Variants in PTPRG observed in about 807,000 individuals in gnomAD.
The protein encoded by PTPRG is protein tyrosine phosphatase receptor type G.
PTPRG carries 102 observed loss-of-function variants against 165.3 expected under a neutral mutation model. The observed-to-expected ratio is 0.62, with a 90% CI of 0.53 to 0.73. PTPRG has a LOEUF of 0.73. Among genes scored for constraint, PTPRG ranks in the 30% least tolerant of loss-of-function variants. The probability of loss-of-function intolerance (pLI) is 0.00; values close to 1 mark genes in which losing one functional copy is unlikely to be tolerated. For missense variants in PTPRG, 1,866 were observed against 1,861.4 expected (o/e 1.00, Z -0.05); for synonymous variants, 675 against 669.5 (o/e 1.01, Z -0.13).
At chr3:62,272,827 A>G in intron 21 of PTPRG, 119 bp from the exon 22 acceptor site, 6 of 1,145,204 alleles carry the variant, frequency 5.2e-6, no homozygotes, top group Non-Finnish European at 7.1e-6. Context: ...ACAGAGTGAA[A>G]CTCCATCTCA....
At chr3:61,897,449 C>T (rs1043847186) in intron 2 of PTPRG, among the ~76,000 whole-genome samples, 2 of 152,116 alleles carry the variant, frequency 1.3e-5, no homozygotes, top group African/African-American at 4.8e-5. Context: ...TGATTGATGT[C>T]CCTATCTCTC....
intron 2 of PTPRG, among the ~76,000 whole-genome samples, chr3:61,974,683 C>A (rs2040462817): frequency 6.6e-6 from 1 of 152,098 alleles, no homozygotes; most frequent in African/African-American, 2.4e-5. Flanking sequence ...AGCTTTGTGC[C>A]CCACCTAAAA....
chr3:62,281,122 T>C (rs1441032603), intron 26 of PTPRG, among the ~76,000 whole-genome samples: 1 of 152,082 alleles, frequency 6.6e-6, no homozygotes, highest in Admixed American at 6.6e-5. Context: ...CAAGAAAACT[T>C]ACAGTGTTTA....
At chr3:61,711,833 AG>A (rs2031570538) in intron 1 of PTPRG, among the ~76,000 whole-genome samples, 1 of 151,840 alleles carries the variant, frequency 6.6e-6, no homozygotes, top group Admixed American at 6.6e-5. Flanking sequence ...ACATTAGAAA[AG>A]TTTTACTCTG....
intron 2 of PTPRG, among the ~76,000 whole-genome samples, chr3:61,853,677 G>T (rs1363723185): frequency 1.3e-5 from 2 of 152,202 alleles, no homozygotes; most frequent in Non-Finnish European, 2.9e-5. Flanking sequence ...GTTTATTGAT[G>T]TTCTAACTTA....
chr3:61,589,555 G>T (rs1700516249), intron 1 of PTPRG, among the ~76,000 whole-genome samples: 2 of 152,168 alleles, frequency 1.3e-5, no homozygotes, highest in African/African-American at 4.8e-5. Context: ...TTTGAAAGCA[G>T]TTCTTTTCCA....
At position 61,635,335 on chromosome 3, in the gene PTPRG, TTA is replaced by T. The variant is rs563193679; in HGVS notation, c.85+72973_85+72974del. 6.4e-3 allele frequency among the ~76,000 whole-genome samples: 949 copies of T among 148,366 alleles called. 12 individuals are homozygous for T. The highest frequency in any genetic ancestry group is 0.022 in the African/African-American group (902 of 40,852). ...ACCAATTACCCTATAAAGTATTAAT[TTA>T]TATATATATTATATATATAAATAAT... On this transcript the variant is annotated intron_variant, in intron 1 of 29. Coordinates refer to ENST00000474889, the MANE Select transcript of PTPRG (RefSeq NM_002841.4).
At chr3:62,280,510 A>C (rs1702393928) in intron 26 of PTPRG, among the ~76,000 whole-genome samples, 1 of 152,092 alleles carries the variant, frequency 6.6e-6, no homozygotes, top group Non-Finnish European at 1.5e-5. Context: ...GGGAAATGTA[A>C]GTCAAGATAC....
intron 8 of PTPRG, among the ~76,000 whole-genome samples, chr3:62,180,904 G>C (rs1422142757): frequency 6.6e-6 from 1 of 152,206 alleles, no homozygotes; most frequent in Non-Finnish European, 1.5e-5. Flanking sequence ...TGCTTTCCCA[G>C]ATACTGCCTA....
intron 2 of PTPRG, among the ~76,000 whole-genome samples, chr3:61,788,189 A>G (rs1575663975): frequency 6.6e-6 from 1 of 152,164 alleles, no homozygotes; most frequent in East Asian, 1.9e-4. Flanking sequence ...GGCGTCTTCT[A>G]AGTATCAAAG....
At chr3:61,632,336 C>A (rs577670787) in intron 1 of PTPRG, among the ~76,000 whole-genome samples, 4 of 140,688 alleles carry the variant, frequency 2.8e-5, no homozygotes, top group Non-Finnish European at 6.2e-5. Context: ...CACACACACA[C>A]AAATCTATAG....
At chr3:62,074,352 C>CTTTCTTTCTTTTTTTTTTTTTTT (rs1701310935) in intron 4 of PTPRG, among the ~76,000 whole-genome samples, 1 of 109,114 alleles carries the variant, frequency 9.2e-6, no homozygotes, top group African/African-American at 3.8e-5. Context: ...TCTTTTCTTT[C>CTTTCTTTCTTTTTTTTTTTTTTT]TTTTTTTTTT....
At chr3:61,901,925 T>C (rs763449908) in intron 2 of PTPRG, among the ~76,000 whole-genome samples, 23 of 152,266 alleles carry the variant, frequency 1.5e-4, no homozygotes, top group Non-Finnish European at 2.9e-4. Flanking sequence ...TATTACCTGA[T>C]AATTATGCTT....
intron 2 of PTPRG, among the ~76,000 whole-genome samples, chr3:61,913,268 G>A (rs1295040534): frequency 2.0e-5 from 3 of 152,130 alleles, no homozygotes; most frequent in African/African-American, 7.2e-5. Flanking sequence ...CACCCAGGCT[G>A]GAGTGCAGTG....
rs1212974314 is a variant in PTPRG at position 62,245,954 on chromosome 3, A to G, written c.2467+2056A>G. ...TGCCTTGCAACACCTTTGAGTAGGT[A>G]TATTAGACCAGAAATTGCTTTTGAA... On this transcript the variant is annotated intron_variant, in intron 15 of 29. Transcript: ENST00000474889. The surrounding 1 kb of genome is among the most constrained non-coding windows in gnomAD (Gnocchi z 4.2). Among the ~76,000 whole-genome samples, 1 of 152,174 alleles carries G rather than the reference A, an allele frequency of 6.6e-6. No homozygotes were observed. Among genetic ancestry groups the G allele is most frequent in the Non-Finnish European group, 1.5e-5 (1 of 68,002 alleles).
intron 5 of PTPRG, among the ~76,000 whole-genome samples, chr3:62,110,455 T>TATAA (rs1241489708): frequency 6.6e-6 from 1 of 152,100 alleles, no homozygotes. Context: ...TGCCCTCTTA[T>TATAA]GCTTCCATAA....
At chr3:61,887,939 A>G (rs2038097689) in intron 2 of PTPRG, among the ~76,000 whole-genome samples, 1 of 152,190 alleles carries the variant, frequency 6.6e-6, no homozygotes, top group African/African-American at 2.4e-5. Flanking sequence ...TCAGTCAGAG[A>G]GCTCTGGAGA....
At chr3:61,918,351 A>G (rs2038992141) in intron 2 of PTPRG, among the ~76,000 whole-genome samples, 2 of 151,894 alleles carry the variant, frequency 1.3e-5, no homozygotes, top group Non-Finnish European at 2.9e-5. Flanking sequence ...CAGTTATTGA[A>G]TGGGAAATAT....
At chr3:61,778,935 A>G (rs985783034) in intron 2 of PTPRG, among the ~76,000 whole-genome samples, 10 of 152,086 alleles carry the variant, frequency 6.6e-5, no homozygotes, top group African/African-American at 1.9e-4. Context: ...ATAGTGTGAC[A>G]ATGAGGTCTG....
Sources: allele counts gnomAD v4.1 joint callset (sites outside exome capture counted in the v4.1 genomes callset), GRCh38; gene constraint gnomAD v4.1.1; non-coding constraint Gnocchi (gnomAD v3.1); transcripts MANE v1.5; gene names NCBI Gene and HGNC (gene_info 2026-07-23, HGNC 2026-07-21).